The following PCDH11X variants were observed in gnomAD, a reference collection of about 807,000 sequenced individuals.
PCDH11X encodes protocadherin-11 X-linked.
PCDH11X carries 18 observed loss-of-function variants against 53.3 expected under a neutral mutation model. The observed-to-expected ratio is 0.34, with a 90% CI of 0.23 to 0.50. The LOEUF (loss-of-function observed/expected upper bound fraction) is 0.50, where lower values mean the gene tolerates loss of function less well. PCDH11X is among the 20% of genes least tolerant of loss of function. The probability of loss-of-function intolerance (pLI) is 0.98; values close to 1 mark genes in which losing one functional copy is unlikely to be tolerated. For missense variants in PCDH11X, 570 were observed against 1,032.4 expected, an observed-to-expected ratio of 0.55 and a Z score of 6.14; for synonymous variants, 279 against 393.3, an observed-to-expected ratio of 0.71 and a Z score of 3.44.
Position 91,906,067 on chromosome X carries a change from G to T in PCDH11X, c.3033+26794G>T, listed in dbSNP as rs765852919. Among the ~76,000 whole-genome samples, 12 of 110,128 alleles carry T rather than the reference G, an allele frequency of 1.1e-4. 1 individual carries two copies. The East Asian group carries it at 3.4e-3, about 32-fold the overall frequency. Reference sequence around the variant, plus strand: ...GTACATATAAGATCTTTACGTTTGAGGATCATATTTAAAGACTAAAAAATT... The same window carrying T: ...GTACATATAAGATCTTTACGTTTGATGATCATATTTAAAGACTAAAAAATT... On this transcript the variant is annotated intron_variant, in intron 6 of 10. Transcript: ENST00000682573.
intron 6 of PCDH11X, among the ~76,000 whole-genome samples, chrX:92,188,849 T>A (rs547870387): frequency 7.2e-5 from 8 of 111,604 alleles, no homozygotes; most frequent in African/African-American, 2.6e-4. Flanking sequence ...GAGAAAATTG[T>A]AAACCTTTCT....
intron 8 of PCDH11X, among the ~76,000 whole-genome samples, chrX:92,371,778 A>G (rs1392229560): frequency 6.5e-5 from 7 of 107,951 alleles, no homozygotes; most frequent in Admixed American, 6.0e-4. Context: ...TGGGAATAGC[A>G]GTGCCACTTG....
intron 8 of PCDH11X, among the ~76,000 whole-genome samples, chrX:92,336,946 G>A (rs1412493485): frequency 9.0e-6 from 1 of 110,963 alleles, no homozygotes; most frequent in Non-Finnish European, 1.9e-5. Context: ...TACACTGGAG[G>A]GGTTGATAGG....
At chrX:92,388,279 T>C (rs2071054260) in intron 9 of PCDH11X, among the ~76,000 whole-genome samples, 1 of 111,411 alleles carries the variant, frequency 9.0e-6, no homozygotes, top group Non-Finnish European at 1.9e-5. Context: ...TTCTTATATA[T>C]AAAAATTATT....
intron 7 of PCDH11X, among the ~76,000 whole-genome samples, chrX:92,262,277 C>T (rs1297043835): frequency 9.0e-6 from 1 of 111,362 alleles, no homozygotes; most frequent in African/African-American, 3.3e-5. Flanking sequence ...CTATAAGGAA[C>T]TTTTGCATAA....
intron 6 of PCDH11X, among the ~76,000 whole-genome samples, chrX:92,110,965 T>A (rs1474182154): frequency 9.1e-6 from 1 of 109,552 alleles, no homozygotes; most frequent in East Asian, 2.9e-4. Context: ...TAACCTTTCT[T>A]AAGTTATGTT....
intron 7 of PCDH11X, among the ~76,000 whole-genome samples, chrX:92,255,356 A>G (rs1161132542): frequency 1.1e-5 from 1 of 92,366 alleles, no homozygotes; most frequent in African/African-American, 3.9e-5. Flanking sequence ...ATTTTTTTCA[A>G]AGCTTTCAAC....
intron 8 of PCDH11X, among the ~76,000 whole-genome samples, chrX:92,313,350 G>C (rs1378117950): frequency 9.1e-6 from 1 of 110,086 alleles, no homozygotes; most frequent in Non-Finnish European, 1.9e-5. Flanking sequence ...AAGTCACACA[G>C]TTAGTCAATG....
chrX:92,537,298 T>C (rs1057168908), intron 10 of PCDH11X, among the ~76,000 whole-genome samples: 22 of 108,238 alleles, frequency 2.0e-4, no homozygotes, highest in African/African-American at 1.3e-4. Context: ...CTGAAGATTT[T>C]CCCCCCCAAA....
intron 6 of PCDH11X, among the ~76,000 whole-genome samples, chrX:92,153,892 C>T (rs1424534838): frequency 9.1e-6 from 1 of 110,194 alleles, no homozygotes; most frequent in Non-Finnish European, 1.9e-5. Context: ...TTGATGAAAA[C>T]AAATAACAAA....
intron 6 of PCDH11X, among the ~76,000 whole-genome samples, chrX:91,988,010 G>A (rs1414790685): frequency 9.1e-6 from 1 of 110,246 alleles, no homozygotes; most frequent in Non-Finnish European, 1.9e-5. Context: ...GGATATCAAA[G>A]CCAATTCTTT....
At chrX:91,876,148 A>G (rs1339927954) in intron 5 of PCDH11X, among the ~76,000 whole-genome samples, 1 of 111,459 alleles carries the variant, frequency 9.0e-6, no homozygotes, top group African/African-American at 3.3e-5. Flanking sequence ...TCACTGATAT[A>G]TGGGTGCTAA....
At chrX:92,120,841 TC>T (rs1397704676) in intron 6 of PCDH11X, among the ~76,000 whole-genome samples, 5 of 111,694 alleles carry the variant, frequency 4.5e-5, no homozygotes, top group African/African-American at 1.6e-4. Context: ...CATAGGGTTC[TC>T]CAAAAACACT....
intron 6 of PCDH11X, among the ~76,000 whole-genome samples, chrX:92,126,189 C>T (rs966373034): frequency 3.6e-5 from 4 of 111,262 alleles, no homozygotes; most frequent in African/African-American, 1.3e-4. Flanking sequence ...TAGTTCAAGA[C>T]AGCACCAAAG....
intron 1 of PCDH11X, among the ~76,000 whole-genome samples, chrX:91,806,420 C>G (rs1477482489): frequency 8.8e-6 from 1 of 113,358 alleles, no homozygotes; most frequent in Non-Finnish European, 1.9e-5. Flanking sequence ...TCACAGTACA[C>G]CTGTTTAAAA....
At chrX:92,009,412 C>A (rs1395902061) in intron 6 of PCDH11X, among the ~76,000 whole-genome samples, 5 of 111,154 alleles carry the variant, frequency 4.5e-5, no homozygotes, top group Non-Finnish European at 7.5e-5. Context: ...AGAATGAGAA[C>A]AGTGTTAAGG....
intron 9 of PCDH11X, among the ~76,000 whole-genome samples, chrX:92,390,604 G>A (rs2071108286): frequency 9.6e-6 from 1 of 104,443 alleles, no homozygotes; most frequent in Non-Finnish European, 2.0e-5. Context: ...ACCACTGATA[G>A]GAATGTAAAG....
rs1216825314 is a variant in PCDH11X at position 92,554,043 on chromosome X, T to A, written c.3368-64221T>A. ...TCACTGTTAATCAACCAAGAAAAAATTTTTTAATCATAGAACAGTCGGTTT... is the reference window on the plus strand; with the variant it reads ...TCACTGTTAATCAACCAAGAAAAAAATTTTTAATCATAGAACAGTCGGTTT... On this transcript the variant is annotated intron_variant, in intron 10 of 10. Coordinates refer to ENST00000682573, the MANE Select transcript of PCDH11X (RefSeq NM_032968.5). 4.6e-5 allele frequency among the ~76,000 whole-genome samples: 5 copies of A among 107,992 alleles called. No homozygotes were observed. The Admixed American group carries it at 5.0e-4, about 11-fold the overall frequency. 93.8% of individuals were successfully genotyped at this position (107,992 alleles called of 115,157 possible).
chrX:92,010,300 C>G (rs1486753548), intron 6 of PCDH11X, among the ~76,000 whole-genome samples: 1 of 109,097 alleles, frequency 9.2e-6, no homozygotes, highest in Non-Finnish European at 1.9e-5. Context: ...ATCTAAGTTG[C>G]CTTATACCCC....
Sources: allele counts gnomAD v4.1 joint callset (sites outside exome capture counted in the v4.1 genomes callset), GRCh38; gene constraint gnomAD v4.1.1; transcripts MANE v1.5; gene names NCBI Gene and HGNC (gene_info 2026-07-23, HGNC 2026-07-21).